COL26A1: variants seen among roughly 807,000 people sequenced by gnomAD.
COL26A1 encodes the protein collagen alpha-1(XXVI) chain.
In COL26A1, 41 loss-of-function variants were observed where a neutral mutation model predicts 59.3. That is an observed-to-expected ratio of 0.69 (90% confidence interval 0.54 to 0.90). The LOEUF (loss-of-function observed/expected upper bound fraction) is 0.90, where lower values mean the gene tolerates loss of function less well. Among genes scored for constraint, COL26A1 ranks in the 40% least tolerant of loss-of-function variants. The probability of loss-of-function intolerance (pLI) is 0.00; values close to 1 mark genes in which losing one functional copy is unlikely to be tolerated. For synonymous variants in COL26A1, 266 were observed against 256.0 expected, an observed-to-expected ratio of 1.04 and a Z score of -0.37; for missense variants, 612 against 602.3, an observed-to-expected ratio of 1.02 and a Z score of -0.17.
At chr7:101,465,463 T>G (rs1793734565) in intron 3 of COL26A1, among the ~76,000 whole-genome samples, 1 of 151,916 alleles carries the variant, frequency 6.6e-6, no homozygotes, top group Non-Finnish European at 1.5e-5. Context: ...ATTACAGGTG[T>G]GAGCCACTGC....
chr7:101,478,721 C>T (rs1482128471), intron 3 of COL26A1, among the ~76,000 whole-genome samples: 3 of 152,072 alleles, frequency 2.0e-5, no homozygotes, highest in African/African-American at 7.2e-5. Context: ...ATCCTGTATG[C>T]GTTTTCTCTT....
intron 1 of COL26A1, among the ~76,000 whole-genome samples, chr7:101,400,767 C>A (rs1259026399): frequency 6.6e-6 from 1 of 152,092 alleles, no homozygotes; most frequent in South Asian, 2.1e-4. Flanking sequence ...CCATGTTGGC[C>A]AGGCTGGTCT....
chr7:101,468,271 C>T lies in COL26A1; in HGVS notation c.385+20484C>T, dbSNP rs533461491. On this transcript the variant is annotated intron_variant, in intron 3 of 12. Transcript: ENST00000313669. ...CAGCCAAGATCACACCACTGCACTCCAGCCTGGGCAACAGAGCAAGACTCA... is the reference window on the plus strand; with the variant it reads ...CAGCCAAGATCACACCACTGCACTCTAGCCTGGGCAACAGAGCAAGACTCA... Among the ~76,000 whole-genome samples the T allele has an allele frequency of 5.9e-5, 9 of 151,288 alleles. No individual in the cohort carries two copies. In the South Asian group the frequency reaches 1.7e-3, roughly 28 times the overall value.
chr7:101,503,285 A>G (rs979324791), intron 3 of COL26A1, among the ~76,000 whole-genome samples: 10 of 152,176 alleles, frequency 6.6e-5, no homozygotes, highest in Non-Finnish European at 7.3e-5. Context: ...TGATGGTTGG[A>G]AAATGAAATA....
rs532001369 is a variant in COL26A1, at chr7:101,552,907, C to CAAAT, written c.1030-403_1030-400dup. ...GGGTGACAAGAGTGAAACTCCATCT[C>CAAAT]AAATAAATAAATAAATAAAATACAA... On this transcript the variant is annotated intron_variant, in intron 10 of 12. Transcript: ENST00000313669. Among the ~76,000 whole-genome samples, 119 of 152,234 alleles carry CAAAT rather than the reference C, an allele frequency of 7.8e-4. 1 individual carries two copies. The East Asian group carries it at 0.019, about 25-fold the overall frequency.
rs150230525 is a variant in COL26A1 at position 101,515,843 on chromosome 7, C to T, written c.386-17239C>T. ...GCCTCCAGTGATCTGCCCACTTCAG[C>T]CTCCCAAAGTGCTGGGATTACAGGC... is the stretch of plus-strand genomic sequence containing the variant. On this transcript the variant is annotated intron_variant, in intron 3 of 12. Transcript: ENST00000313669. Among the ~76,000 whole-genome samples the T allele has an allele frequency of 2.3e-3, 353 of 151,204 alleles. 1 individual carries two copies. The highest frequency in any genetic ancestry group is 8.3e-3 in the African/African-American group (340 of 41,156).
chr7:101,552,738 C>T (rs1292393305), intron 10 of COL26A1, among the ~76,000 whole-genome samples: 1 of 152,154 alleles, frequency 6.6e-6, no homozygotes, highest in African/African-American at 2.4e-5. Flanking sequence ...GAAACCCCGT[C>T]TCTACTACAA....
At chr7:101,408,939 C>A (rs1792185883) in intron 1 of COL26A1, among the ~76,000 whole-genome samples, 1 of 152,222 alleles carries the variant, frequency 6.6e-6, no homozygotes. Context: ...AGACAGACAG[C>A]CACGTGCCAA....
At chr7:101,512,736 A>G (rs1543884) in intron 3 of COL26A1, among the ~76,000 whole-genome samples, 51,064 of 152,068 alleles carry the variant, frequency 0.34, 8,916 homozygotes, top group Middle Eastern at 0.36. Context: ...CCCAAATAAG[A>G]TAGCTATTCA....
intron 1 of COL26A1, among the ~76,000 whole-genome samples, chr7:101,398,710 C>T (rs1192187986): frequency 6.6e-6 from 1 of 152,200 alleles, no homozygotes; most frequent in Non-Finnish European, 1.5e-5. Flanking sequence ...GGAAGCAATT[C>T]AGTCCCCTCC....
At chr7:101,442,535 G>A (rs1023365336) in intron 2 of COL26A1, among the ~76,000 whole-genome samples, 1 of 152,116 alleles carries the variant, frequency 6.6e-6, no homozygotes, top group Non-Finnish European at 1.5e-5. Context: ...TCTGCCATGC[G>A]ATGTTATGCT....
intron 2 of COL26A1, among the ~76,000 whole-genome samples, chr7:101,429,701 T>A (rs1584400471): frequency 1.3e-5 from 2 of 148,586 alleles, no homozygotes; most frequent in East Asian, 4.0e-4. Context: ...CAAGTGATCC[T>A]CCTGCCTCAG....
chr7:101,387,763 TATATATATA>T (rs1156289091), intron 1 of COL26A1, among the ~76,000 whole-genome samples: 172 of 64,870 alleles, frequency 2.7e-3, no homozygotes, highest in African/African-American at 7.3e-3. Flanking sequence ...TTTATATATA[TATATATATA>T]TATATATTTT....
At chr7:101,373,860 C>T (rs1238746818) in intron 1 of COL26A1, among the ~76,000 whole-genome samples, 3 of 152,156 alleles carry the variant, frequency 2.0e-5, no homozygotes, top group African/African-American at 4.8e-5. Context: ...TCCCCCAGCT[C>T]ATCTGTTATT....
intron 1 of COL26A1, among the ~76,000 whole-genome samples, chr7:101,399,466 G>C (rs1054602585): frequency 1.3e-5 from 2 of 152,066 alleles, no homozygotes; most frequent in Non-Finnish European, 2.9e-5. Context: ...TAGGATTACA[G>C]GTGTGCACCA....
intron 1 of COL26A1, among the ~76,000 whole-genome samples, chr7:101,370,548 T>C (rs1484539408): frequency 6.6e-6 from 1 of 151,998 alleles, no homozygotes; most frequent in Admixed American, 6.6e-5. Context: ...TTTTTTGTAT[T>C]TTTAGAAGAG....
intron 3 of COL26A1, among the ~76,000 whole-genome samples, chr7:101,462,596 C>T (rs1362558381): frequency 1.3e-5 from 2 of 152,180 alleles, no homozygotes; most frequent in East Asian, 1.9e-4. Context: ...GGATTACAGG[C>T]GTGAGCCACC....
intron 5 of COL26A1, 65 bp downstream of exon 5, chr7:101,540,114 G>C (rs1258273199): frequency 1.3e-6 from 2 of 1,513,330 alleles, no homozygotes; most frequent in Non-Finnish European, 1.8e-6. Flanking sequence ...TGGCCTCCCA[G>C]GGCCTCCCTA....
In COL26A1 at chr7:101,555,885, A is replaced by G. The variant is rs758409237; in HGVS notation, c.1165+14A>G. On this transcript the variant is annotated intron_variant, in intron 12 of 12. Transcript: ENST00000313669. Reference sequence around the variant, plus strand: ...TTGGGATCCACGGTGAGCAGTGACCAGGATCAGCGGGCTGGGAATCTCTCT... The same window carrying G: ...TTGGGATCCACGGTGAGCAGTGACCGGGATCAGCGGGCTGGGAATCTCTCT... 3.1e-6 allele frequency: 5 copies of G among 1,593,052 alleles called. No homozygotes were observed. In the South Asian group the frequency reaches 5.7e-5, roughly 18 times the overall value.
Sources: gnomAD v4.1 joint callset for allele counts (sites outside exome capture counted in the v4.1 genomes callset) on GRCh38, gnomAD v4.1.1 for gene constraint, MANE v1.5 for transcripts, NCBI Gene and HGNC (gene_info 2026-07-23, HGNC 2026-07-21) for gene names.